RPS6KA2: variants seen among roughly 807,000 people sequenced by gnomAD.
RPS6KA2 encodes the protein ribosomal protein S6 kinase alpha-2.
Under a neutral mutation model 91.8 loss-of-function variants are expected in RPS6KA2, and 42 were observed. The ratio of observed to expected loss-of-function variants is 0.46; its 90% CI spans 0.36 to 0.59. The LOEUF (loss-of-function observed/expected upper bound fraction) is 0.59, where lower values mean the gene tolerates loss of function less well. Ranked by LOEUF, RPS6KA2 falls within the 20% of genes least tolerant of loss-of-function variation. RPS6KA2 has a pLI of 0.00. For missense variants in RPS6KA2, 798 were observed against 978.5 expected (o/e 0.82, Z 2.46); for synonymous variants, 414 against 393.6 (o/e 1.05, Z -0.61).
intron 12 of RPS6KA2, among the ~76,000 whole-genome samples, chr6:166,455,271 C>T (rs1451324458): frequency 2.6e-5 from 4 of 152,092 alleles, no homozygotes; most frequent in African/African-American, 4.8e-5. Context: ...TTGGGGACAA[C>T]GGTTATGAGG....
intron 2 of RPS6KA2, among the ~76,000 whole-genome samples, chr6:166,729,595 G>C (rs1373509025): frequency 6.6e-6 from 1 of 152,116 alleles, no homozygotes; most frequent in East Asian, 1.9e-4. Flanking sequence ...GCCCACCTTG[G>C]CCTCCCAAAC....
intron 1 of RPS6KA2, among the ~76,000 whole-genome samples, chr6:166,567,647 A>G (rs3778394): frequency 0.19 from 29,458 of 152,174 alleles, 3,100 homozygotes; most frequent in East Asian, 0.34. Flanking sequence ...TTATAGCCCA[A>G]TGTGCATTTC....
intron 11 of RPS6KA2, among the ~76,000 whole-genome samples, chr6:166,460,166 G>A (rs1780228361): frequency 2.0e-5 from 3 of 152,230 alleles, no homozygotes; most frequent in Admixed American, 6.5e-5. Context: ...ACAGGAGGAC[G>A]CCTGCATCTG....
At position 166,531,212 on chromosome 6, in the gene RPS6KA2, G is replaced by T; in HGVS notation, c.298+20C>A. ...GCAGTTACCTGTCTCTGAAGCAGCCGGCCCTTCCGAAGCTCTTACCTTTTA... is the reference window on the plus strand; with the variant it reads ...GCAGTTACCTGTCTCTGAAGCAGCCTGCCCTTCCGAAGCTCTTACCTTTTA... On this transcript the variant is annotated intron_variant, in intron 3 of 20. Coordinates refer to ENST00000265678, the MANE Select transcript of RPS6KA2 (RefSeq NM_021135.6). 6.4e-7 allele frequency: 1 copy of T among 1,570,786 alleles called. No homozygotes were observed. The highest frequency in any genetic ancestry group is 8.8e-7 in the Non-Finnish European group (1 of 1,140,602).
intron 10 of RPS6KA2, among the ~76,000 whole-genome samples, chr6:166,481,576 T>G (rs544768559): frequency 1.4e-5 from 2 of 146,456 alleles, no homozygotes; most frequent in East Asian, 4.2e-4. Context: ...TGTATGTATA[T>G]CTCTCTGATC....
In RPS6KA2 at chr6:166,493,699, C is replaced by T. The variant is rs887907395; in HGVS notation, c.748-2958G>A. ...TGGGAAGGTAATTGGACAGACATAACGCAGTGCTTCTCAACTGGGGTCACC... is the reference window on the plus strand; with the variant it reads ...TGGGAAGGTAATTGGACAGACATAATGCAGTGCTTCTCAACTGGGGTCACC... On this transcript the variant is annotated intron_variant, in intron 8 of 20. Transcript: ENST00000265678. This position sits in a 1 kb window ranked among gnomAD's most constrained non-coding sequence, Gnocchi z 4.7. Among the ~76,000 whole-genome samples the T allele has an allele frequency of 3.3e-5, 5 of 152,134 alleles. No homozygotes were observed. Among genetic ancestry groups the T allele is most frequent in the African/African-American group, 7.2e-5 (3 of 41,404 alleles).
At chr6:166,753,812 A>G (rs1364806669) in intron 2 of RPS6KA2, among the ~76,000 whole-genome samples, 1 of 152,224 alleles carries the variant, frequency 6.6e-6, no homozygotes, top group Non-Finnish European at 1.5e-5. Context: ...ATGAGCTATC[A>G]CGGTTAATAA....
At chr6:166,675,055 G>A (rs1031818325) in intron 2 of RPS6KA2, among the ~76,000 whole-genome samples, 8 of 152,186 alleles carry the variant, frequency 5.3e-5, no homozygotes, top group African/African-American at 1.4e-4. Flanking sequence ...TGCACCAAAC[G>A]AATCAGGTCC....
intron 2 of RPS6KA2, among the ~76,000 whole-genome samples, chr6:166,827,176 G>A (rs1410732498): frequency 6.9e-6 from 1 of 145,418 alleles, no homozygotes; most frequent in Admixed American, 7.2e-5. Flanking sequence ...AGAAGAAAAG[G>A]TTCTCAGGCT....
chr6:166,855,487 GAGGAA>G (rs1780874876), intron 2 of RPS6KA2, among the ~76,000 whole-genome samples: 3 of 127,564 alleles, frequency 2.4e-5, no homozygotes, highest in Non-Finnish European at 4.9e-5. Flanking sequence ...AGAAGAAGAA[GAGGAA>G]GAAGAAGAGG....
In RPS6KA2 at chr6:166,852,396, C is replaced by T. The variant is rs1055479979; in HGVS notation, c.123+5804G>A. On this transcript the variant is annotated intron_variant, in intron 2 of 21. Transcript: ENST00000503859. The surrounding 1 kb of genome is among the most constrained non-coding windows in gnomAD (Gnocchi z 4.1). ...CTGGGCTTCATTATTCACCTTGTCT[C>T]ACTTCTATTCAGACCAGTTTAGATT... 2.0e-5 allele frequency among the ~76,000 whole-genome samples: 3 copies of T among 152,192 alleles called. No homozygotes were observed. Among genetic ancestry groups the T allele is most frequent in the Non-Finnish European group, 2.9e-5 (2 of 68,036 alleles).
At chr6:166,739,285 T>G (rs1790747255) in intron 2 of RPS6KA2, among the ~76,000 whole-genome samples, 1 of 152,248 alleles carries the variant, frequency 6.6e-6, no homozygotes, top group Non-Finnish European at 1.5e-5. Flanking sequence ...ATCTGCACAG[T>G]GCTAACGCTG....
At position 166,779,238 on chromosome 6, in the gene RPS6KA2, CA is replaced by C. The variant is rs144902557; in HGVS notation, c.123+78961del. Among the ~76,000 whole-genome samples the C allele has an allele frequency of 8.1e-3, 1,234 of 152,298 alleles. 8 individuals are homozygous for C. Among genetic ancestry groups the C allele is most frequent in the Middle Eastern group, 0.024 (7 of 294 alleles). On this transcript the variant is annotated intron_variant, in intron 2 of 21. Transcript: ENST00000503859. ...TGGTGCAACAGAGCTCTGTCATCAG[CA>C]GGGGTCAATCCCAAAATATCCTAAG...
chr6:166,626,771 T>G lies in RPS6KA2; in HGVS notation c.99+150A>C. The G allele has an allele frequency of 2.1e-5, 12 of 563,582 alleles. No individual in the cohort carries two copies. The highest frequency in any genetic ancestry group is 7.3e-5 in the East Asian group (2 of 27,284). 34.9% of individuals were successfully genotyped at this position (563,582 alleles called of 1,614,324 possible). A position where few individuals can be genotyped will look rare whatever the true frequency, so the allele number is the denominator to read the frequency against. On this transcript the variant is annotated intron_variant, in intron 1 of 20. Transcript: ENST00000265678. The surrounding 1 kb of genome is among the most constrained non-coding windows in gnomAD (Gnocchi z 4.1). Reference sequence around the variant, plus strand: ...TCCCAGCGATAACGTTTGGAGCCGTTTGGTTCGATTTTCGGAACCGGACCA... The same window carrying G: ...TCCCAGCGATAACGTTTGGAGCCGTGTGGTTCGATTTTCGGAACCGGACCA...
chr6:166,850,010 G>A (rs770777689), intron 2 of RPS6KA2, among the ~76,000 whole-genome samples: 7 of 152,088 alleles, frequency 4.6e-5, no homozygotes, highest in Admixed American at 6.6e-5. Context: ...CGGGGCCTCC[G>A]CCAGGGACGT....
intron 2 of RPS6KA2, among the ~76,000 whole-genome samples, chr6:166,773,427 A>G (rs1189146796): frequency 1.3e-5 from 2 of 151,296 alleles, no homozygotes; most frequent in African/African-American, 4.9e-5. Flanking sequence ...TTTGAGGTGG[A>G]GTCTCGCTGT....
chr6:166,633,855 T>C (rs1787154384), intron 2 of RPS6KA2, among the ~76,000 whole-genome samples: 1 of 152,138 alleles, frequency 6.6e-6, no homozygotes, highest in South Asian at 2.1e-4. Context: ...TACAAAAATA[T>C]ACTATGAGTC....
intron 2 of RPS6KA2, among the ~76,000 whole-genome samples, chr6:166,671,586 A>C (rs1264533085): frequency 6.6e-6 from 1 of 152,098 alleles, no homozygotes; most frequent in Non-Finnish European, 1.5e-5. Context: ...GTAAGAAAAG[A>C]CTCAACACAG....
intron 2 of RPS6KA2, among the ~76,000 whole-genome samples, chr6:166,771,560 G>A (rs188380027): frequency 2.0e-5 from 3 of 152,278 alleles, no homozygotes; most frequent in Non-Finnish European, 4.4e-5. Context: ...ACTGCGGCAC[G>A]TTCAGTGATG....
Sources: gnomAD v4.1 joint callset for allele counts (sites outside exome capture counted in the v4.1 genomes callset) on GRCh38, gnomAD v4.1.1 for gene constraint, Gnocchi (gnomAD v3.1) non-coding constraint, MANE v1.5 for transcripts, NCBI Gene and HGNC (gene_info 2026-07-23, HGNC 2026-07-21) for gene names.